Variants in KDM6B observed in about 807,000 individuals in gnomAD.
KDM6B encodes lysine demethylase 6B.
KDM6B carries 22 observed loss-of-function variants against 150.4 expected under a neutral mutation model. That is an observed-to-expected ratio of 0.15 (90% CI 0.10 to 0.21). KDM6B has a LOEUF of 0.21. Ranked by LOEUF, KDM6B falls within the 10% of genes least tolerant of loss-of-function variation. The pLI is 1.00. For missense variants in KDM6B, 1,984 were observed against 2,234.3 expected, an observed-to-expected ratio of 0.89 and a Z score of 2.26; for synonymous variants, 1,148 against 921.1, an observed-to-expected ratio of 1.25 and a Z score of -4.46.
chr17:7,853,811 G>A lies in KDM6B; in HGVS notation c.*290G>A, dbSNP rs1041901872. The stretch of plus-strand genomic sequence containing the variant: ...TGGCCTTTTTAGCAACAGACACAAG[G>A]ACCAGGCTCCGGCGGCGGCGGGGGT... On this transcript the variant is annotated 3_prime_UTR_variant, in exon 24 of 24. Coordinates refer to ENST00000448097, the MANE Select transcript of KDM6B (RefSeq NM_001348716.2). 1.2e-5 allele frequency: 3 copies of A among 243,230 alleles called. No homozygotes were observed. Among genetic ancestry groups the A allele is most frequent in the African/African-American group, 6.9e-5 (3 of 43,650 alleles). 15.1% of individuals were successfully genotyped at this position (243,230 alleles called of 1,614,324 possible).
chr17:7,836,369 C>T (rs2078333568), intron 1 of KDM6B, among the ~76,000 whole-genome samples: 1 of 151,232 alleles, frequency 6.6e-6, no homozygotes, highest in African/African-American at 2.4e-5. Flanking sequence ...TTATATAACT[C>T]TTCCTCTCGC....
chr17:7,845,750 A>G, intron 5 of KDM6B, 59 bp downstream of exon 5: 2 of 1,610,482 alleles, frequency 1.2e-6, no homozygotes, highest in Admixed American at 1.7e-5. Context: ...GTATCCCTCA[A>G]TCTGTGTCAT....
chr17:7,846,355 G>GC (rs778343242), intron 7 of KDM6B, 45 bp from the exon 8 acceptor site: 8 of 1,566,658 alleles, frequency 5.1e-6, no homozygotes, highest in Non-Finnish European at 6.9e-6. Flanking sequence ...CTGGCTCAGT[G>GC]CCCCACCTGA....
chr17:7,848,283 C>T lies in KDM6B; in HGVS notation c.1995C>T (p.Ala665=). Residue 665 remains alanine, a synonymous_variant, in exon 12 of 24, where the codon GCC becomes GCT. Transcript: ENST00000448097. ...CGCCCGGGGTTGGGGAGCTGCCTGC[C>T]CGAGGCCCTCGACTCTTTGATTTTC... ...PVPPGVGELP[A]RGPRLFDFPP... The T allele has an allele frequency of 1.2e-6, 2 of 1,612,418 alleles. No individual in the cohort carries two copies. Among genetic ancestry groups the T allele is most frequent in the South Asian group, 1.1e-5 (1 of 91,062 alleles).
At chr17:7,845,792 C>T in intron 5 of KDM6B, 80 bp from the exon 6 acceptor site, 2 of 1,589,378 alleles carry the variant, frequency 1.3e-6, no homozygotes, top group South Asian at 2.2e-5. Flanking sequence ...CTGTGGGCTT[C>T]CGTGCATCAG....
Position 7,848,284 on chromosome 17 carries a change from C to G in KDM6B, c.1996C>G (p.Arg666Gly), listed in dbSNP as rs890494419. The change falls in exon 12 of 24, where the codon CGA (arginine) becomes GGA (glycine). Residue 666 changes from arginine to glycine, a missense_variant. This residue lies in a region of KDM6B where 1,379 missense variants were observed against 1,275.6 expected (regional missense o/e 1.08). Coordinates refer to ENST00000448097, the MANE Select transcript of KDM6B (RefSeq NM_001348716.2). ...VPPGVGELPA[R>G]GPRLFDFPPT... is the part of the protein sequence containing the mutation. ...GCCCGGGGTTGGGGAGCTGCCTGCC[C>G]GAGGCCCTCGACTCTTTGATTTTCC... 31 of 1,612,334 alleles carry G rather than the reference C, an allele frequency of 1.9e-5. No homozygotes were observed. The highest frequency in any genetic ancestry group is 2.6e-5 in the Non-Finnish European group (31 of 1,179,770).
Position 7,845,868 on chromosome 17 carries a change from C to G in KDM6B, c.138-4C>G, listed in dbSNP as rs971079224. 3.7e-6 allele frequency: 6 copies of G among 1,613,080 alleles called. 1 individual carries two copies. The highest frequency in any genetic ancestry group is 2.5e-6 in the Non-Finnish European group (3 of 1,179,048). ...CGTATATAACAGACTCCTTCTCTCT[C>G]CAGATGCTCAGCCAGCATTGGGCAG... On this transcript the variant is annotated splice_region_variant and splice_polypyrimidine_tract_variant and intron_variant, in intron 5 of 23. Transcript: ENST00000448097.
At chr17:7,838,843 C>T (rs1436378307) in intron 1 of KDM6B, among the ~76,000 whole-genome samples, 2 of 152,086 alleles carry the variant, frequency 1.3e-5, no homozygotes, top group African/African-American at 2.4e-5. Context: ...ACCTCTACCA[C>T]CTACAGCTGA....
At position 7,843,443 on chromosome 17, in the gene KDM6B, G is replaced by A. The variant is rs1018206692; in HGVS notation, c.-268-1458G>A. 6.6e-6 allele frequency among the ~76,000 whole-genome samples: 1 copy of A among 152,200 alleles called. No individual in the cohort carries two copies. The highest frequency in any genetic ancestry group is 2.1e-4 in the South Asian group (1 of 4,830). ...GGGGCCCAAGCGACCACAAGGGCTT[G>A]GCGGAGAGTGGCACGCAGGGACCTG... On this transcript the variant is annotated intron_variant, in intron 2 of 23. Transcript: ENST00000448097. This position sits in a 1 kb window ranked among gnomAD's most constrained non-coding sequence, Gnocchi z 4.5.
rs1418813615 is a variant in KDM6B, at chr17:7,847,700, C to A, written c.1412C>A (p.Pro471His). Residue 471 changes from proline (P) to histidine (H), a missense_variant, in exon 12 of 24, where the codon CCC (proline) becomes CAC (histidine). By Grantham distance (77) the Pro-to-His change is moderately conservative (BLOSUM62 -2). This residue lies in a region of KDM6B where 1,379 missense variants were observed against 1,275.6 expected (regional missense o/e 1.08). Transcript: ENST00000448097. Reference sequence around the variant, plus strand: ...CCTGGACCTTCCTCACCCCCTCCACCCCCCTGTCCCCGCCTCTTACGCCCC... The same window carrying A: ...CCTGGACCTTCCTCACCCCCTCCACACCCCTGTCCCCGCCTCTTACGCCCC... Reference protein sequence around the residue: ...LPPGPSSPPPPPCPRLLRPPP... With the variant: ...LPPGPSSPPPHPCPRLLRPPP... The A allele has an allele frequency of 1.3e-6, 2 of 1,544,356 alleles. No homozygotes were observed. The highest frequency in any genetic ancestry group is 1.4e-5 in the African/African-American group (1 of 71,562).
In KDM6B at chr17:7,844,893, C is replaced by T. The variant is rs185895119; in HGVS notation, c.-268-8C>T. 287 of 160,742 alleles carry T rather than the reference C, an allele frequency of 1.8e-3. 1 individual carries two copies. The highest frequency in any genetic ancestry group is 3.0e-3 in the Non-Finnish European group (219 of 71,898). 10.0% of individuals were successfully genotyped at this position (160,742 alleles called of 1,614,324 possible). On this transcript the variant is annotated splice_region_variant and splice_polypyrimidine_tract_variant and intron_variant, in intron 2 of 23. Transcript: ENST00000448097. The surrounding 1 kb of genome is among the most constrained non-coding windows in gnomAD (Gnocchi z 5.9). Reference sequence around the variant, plus strand: ...CGGGCTCACCTCGCTCCCATTGGTTCCGGCCAGGCTGTTACTGAGGCGGAG... The same window carrying T: ...CGGGCTCACCTCGCTCCCATTGGTTTCGGCCAGGCTGTTACTGAGGCGGAG...
At position 7,851,933 on chromosome 17, in the gene KDM6B, C is replaced by T. The variant is rs1373027338; in HGVS notation, c.4166-18C>T. On this transcript the variant is annotated intron_variant, in intron 18 of 23. Transcript: ENST00000448097. The stretch of plus-strand genomic sequence containing the variant: ...TTCCGACCTGGCCAGCCATGCCGTT[C>T]TCTGTCGACCCCTGCAGGCCACCAG... 1 of 1,612,288 alleles carries T rather than the reference C, an allele frequency of 6.2e-7. No individual in the cohort carries two copies. Among genetic ancestry groups the T allele is most frequent in the African/African-American group, 1.3e-5 (1 of 75,034 alleles).
At chr17:7,852,687 CTTG>C (rs1567803890) in intron 21 of KDM6B, 51 bp downstream of exon 21, 3 of 1,610,034 alleles carry the variant, frequency 1.9e-6, no homozygotes, top group Non-Finnish European at 2.5e-6. Context: ...GGTCCCTTTT[CTTG>C]TTCTTCCTGT....
Position 7,847,915 on chromosome 17 carries a change from C to T in KDM6B, c.1627C>T (p.Pro543Ser), listed in dbSNP as rs1304170937. Residue 543 changes from proline (P) to serine (S), a missense_variant, in exon 12 of 24, where the codon CCT becomes TCT. Around this residue, in one of 13 missense-constraint regions of KDM6B, gnomAD observed 1,379 missense variants for 1,275.6 expected, o/e 1.08. Transcript: ENST00000448097. ...FSVGTQDSHT[P>S]PTPPTPTTSS... ...TGTGGGCACTCAGGATTCTCACACC[C>T]CTCCCACTCCCCCAACCCCAACCAC... The T allele has an allele frequency of 7.4e-6, 12 of 1,611,364 alleles. No homozygotes were observed. Among genetic ancestry groups the T allele is most frequent in the Admixed American group, 1.7e-5 (1 of 59,876 alleles).
Position 7,853,588 on chromosome 17 carries a change from C to A in KDM6B, c.*67C>A. 1 of 1,263,588 alleles carries A rather than the reference C, an allele frequency of 7.9e-7. No individual in the cohort carries two copies. The highest frequency in any genetic ancestry group is 1.0e-6 in the Non-Finnish European group (1 of 981,396). 78.3% of individuals were successfully genotyped at this position (1,263,588 alleles called of 1,614,324 possible). A position where few individuals can be genotyped will look rare whatever the true frequency, so the allele number is the denominator to read the frequency against. ...GCGGGGCCACCAGCACATGCCTGGGCTGGACCTAGGTCCCGCCTGTGGCCG... is the reference window on the plus strand; with the variant it reads ...GCGGGGCCACCAGCACATGCCTGGGATGGACCTAGGTCCCGCCTGTGGCCG... On this transcript the variant is annotated 3_prime_UTR_variant, in exon 24 of 24. Coordinates refer to ENST00000448097, the MANE Select transcript of KDM6B (RefSeq NM_001348716.2).
In KDM6B at chr17:7,853,641, C is replaced by A; in HGVS notation, c.*120C>A. On this transcript the variant is annotated 3_prime_UTR_variant, in exon 24 of 24. Transcript: ENST00000448097. ...AAGGGGGTCGGGCCCAGCCCTTCCA[C>A]CCCATTGGCAGCTCCCCTCACTTAA... 1.6e-6 allele frequency: 1 copy of A among 617,846 alleles called. No homozygotes were observed. 38.3% of individuals were successfully genotyped at this position (617,846 alleles called of 1,614,324 possible). A position where few individuals can be genotyped will look rare whatever the true frequency, so the allele number is the denominator to read the frequency against.
At position 7,849,302 on chromosome 17, in the gene KDM6B, C is replaced by G. The variant is rs774664464; in HGVS notation, c.3014C>G (p.Ala1005Gly). The change falls in exon 12 of 24, where the codon GCC (alanine) becomes GGC (glycine). Residue 1005 changes from alanine (A) to glycine (G), a missense_variant. Ala to Gly is a moderately conservative substitution (Grantham distance 60). Around this residue, in one of 13 missense-constraint regions of KDM6B, gnomAD observed 1,379 missense variants for 1,275.6 expected, o/e 1.08. Transcript: ENST00000448097. ...CGGCCCCGTGAGGGCAGGGCAAAGG[C>G]CAAGGCCAAGGTCCCCAAAGAAAAG... Reference protein sequence around the residue: ...GRRPREGRAKAKAKVPKEKSR... With the variant: ...GRRPREGRAKGKAKVPKEKSR... 1 of 1,558,378 alleles carries G rather than the reference C, an allele frequency of 6.4e-7. No individual in the cohort carries two copies. Among genetic ancestry groups the G allele is most frequent in the Admixed American group, 1.9e-5 (1 of 51,990 alleles).
chr17:7,852,978 A>T (rs199566105), intron 21 of KDM6B, 22 bp from the exon 22 acceptor site: 1 of 1,613,492 alleles, frequency 6.2e-7, no homozygotes, highest in South Asian at 1.1e-5. Context: ...GGTGGTCTCA[A>T]CACAACCCCA....
At chr17:7,853,458 C>T (rs2151380492) in intron 23 of KDM6B, 40 bp from the exon 24 acceptor site, 2 of 1,513,212 alleles carry the variant, frequency 1.3e-6, no homozygotes, top group Non-Finnish European at 8.8e-7. Flanking sequence ...GGAGCCCGGC[C>T]GCGCCTTTCC....
Sources: gnomAD v4.1 joint callset for allele counts (sites outside exome capture counted in the v4.1 genomes callset) on GRCh38, gnomAD v4.1.1 for gene constraint, gnomAD v4.1.1 regional missense constraint, Gnocchi (gnomAD v3.1) non-coding constraint, MANE v1.5 for transcripts, NCBI Gene and HGNC (gene_info 2026-07-23, HGNC 2026-07-21) for gene names.